Variants in WNT2B observed in about 807,000 individuals in gnomAD.
WNT2B encodes the protein Wnt family member 2B.
In WNT2B, 19 loss-of-function variants were observed where a neutral mutation model predicts 40.5. The ratio of observed to expected loss-of-function variants is 0.47; its 90% CI spans 0.33 to 0.69. The LOEUF (loss-of-function observed/expected upper bound fraction) is 0.69. Among genes scored for constraint, WNT2B ranks in the 30% least tolerant of loss-of-function variants. WNT2B has a pLI of 0.02. For missense variants in WNT2B, 467 were observed against 556.4 expected, an observed-to-expected ratio of 0.84 and a Z score of 1.62; for synonymous variants, 220 against 211.9, an observed-to-expected ratio of 1.04 and a Z score of -0.33.
chr1:112,509,935 T>A lies in WNT2B; in HGVS notation c.182+491T>A, dbSNP rs971293792. On this transcript the variant is annotated intron_variant, in intron 1 of 4. Coordinates refer to ENST00000369684, the MANE Select transcript of WNT2B (RefSeq NM_024494.3). The surrounding 1 kb of genome is among the most constrained non-coding windows in gnomAD (Gnocchi z 4.2). ...GCAGCACCCAGCCGAGGCTTAGAAA[T>A]GGAATCGAGGCAAAATTTACCCCAT... 4.6e-5 allele frequency among the ~76,000 whole-genome samples: 7 copies of A among 152,162 alleles called. No homozygotes were observed. Among genetic ancestry groups the A allele is most frequent in the African/African-American group, 1.2e-4 (5 of 41,434 alleles).
chr1:112,521,485 G>A lies in WNT2B; in HGVS notation c.*976G>A, dbSNP rs1280024430. 6.6e-6 allele frequency: 1 copy of A among 152,228 alleles called. No individual in the cohort carries two copies. The highest frequency in any genetic ancestry group is 1.5e-5 in the Non-Finnish European group (1 of 68,044). 9.4% of individuals were successfully genotyped at this position (152,228 alleles called of 1,614,324 possible). A position where few individuals can be genotyped will look rare whatever the true frequency, so the allele number is the denominator to read the frequency against. On this transcript the variant is annotated 3_prime_UTR_variant, in exon 5 of 5. Transcript: ENST00000369684. ...CCACATGAGGCATCAGTATATATTA[G>A]GCAGGTAGGGATCTCTGGCTTTGGT...
At chr1:112,482,180 A>G (rs896127655) in intron 1 of WNT2B, among the ~76,000 whole-genome samples, 3 of 151,386 alleles carry the variant, frequency 2.0e-5, no homozygotes, top group African/African-American at 4.9e-5. Context: ...GCTAATTTAA[A>G]CGGTGGTGCA....
chr1:112,519,872 C>CTTCTTTTTTTTTT (rs10634267), intron 4 of WNT2B, among the ~76,000 whole-genome samples: 6 of 115,634 alleles, frequency 5.2e-5, no homozygotes, highest in East Asian at 2.6e-4. Flanking sequence ...GCCCATGCTT[C>CTTCTTTTTTTTTT]TTTTTTTTTT....
chr1:112,491,953 G>T (rs1171499112), intron 1 of WNT2B, among the ~76,000 whole-genome samples: 2 of 152,050 alleles, frequency 1.3e-5, no homozygotes, highest in African/African-American at 4.8e-5. Flanking sequence ...GAAAATTTAG[G>T]ATATGAGTTT....
At chr1:112,508,809 G>C (rs566116700), upstream of WNT2B, 99 of 989,914 alleles carry the variant, frequency 1.0e-4, no homozygotes, top group Middle Eastern at 1.5e-3. This position sits in a 1 kb window ranked among gnomAD's most constrained non-coding sequence, Gnocchi z 4.2. Context: ...GGTGGCGCGC[G>C]GGAGCCCCGA....
chr1:112,514,856 G>GCC lies in WNT2B; in HGVS notation c.183-17_183-16dup, dbSNP rs1417174134. 1 of 1,613,270 alleles carries GCC rather than the reference G, an allele frequency of 6.2e-7. No individual in the cohort carries two copies. The highest frequency in any genetic ancestry group is 1.1e-5 in the South Asian group (1 of 91,070). On this transcript the variant is annotated splice_polypyrimidine_tract_variant and intron_variant, in intron 1 of 4. Transcript: ENST00000369684. ...AAAAGGTCTGGGATGTTCTGACAGGGCCATCTCTGCCTTGCAGGTACATTG... is the reference window on the plus strand; with the variant it reads ...AAAAGGTCTGGGATGTTCTGACAGGGCCCCATCTCTGCCTTGCAGGTACATTG...
At chr1:112,504,342 G>T (rs1236446870), upstream of WNT2B, among the ~76,000 whole-genome samples, 1 of 151,844 alleles carries the variant, frequency 6.6e-6, no homozygotes, top group African/African-American at 2.4e-5. Flanking sequence ...TAGTCCTCAG[G>T]GGAGCAGTTT....
intron 1 of WNT2B, among the ~76,000 whole-genome samples, chr1:112,487,660 T>C (rs1651457355): frequency 6.6e-6 from 1 of 152,022 alleles, no homozygotes; most frequent in South Asian, 2.1e-4. Context: ...GGGCTGGGTG[T>C]GGTAGCTCAC....
intron 1 of WNT2B, among the ~76,000 whole-genome samples, chr1:112,478,232 T>G (rs971720922): frequency 1.3e-5 from 2 of 151,156 alleles, no homozygotes; most frequent in African/African-American, 4.9e-5. Context: ...AGATGCTGTC[T>G]CAAAGAGAGA....
At chr1:112,472,329 A>T (rs1166594130) in intron 1 of WNT2B, among the ~76,000 whole-genome samples, 4 of 152,218 alleles carry the variant, frequency 2.6e-5, no homozygotes, top group Non-Finnish European at 5.9e-5. Flanking sequence ...GCTAATCAGC[A>T]AATGTATGAG....
At chr1:112,519,253 C>T (rs1652724832) in intron 4 of WNT2B, among the ~76,000 whole-genome samples, 1 of 152,084 alleles carries the variant, frequency 6.6e-6, no homozygotes, top group Non-Finnish European at 1.5e-5. Context: ...ACCTGTGTTC[C>T]ACTATATGAA....
chr1:112,475,578 T>A (rs188621242), intron 1 of WNT2B, among the ~76,000 whole-genome samples: 29 of 152,090 alleles, frequency 1.9e-4, no homozygotes, highest in African/African-American at 7.0e-4. Flanking sequence ...GAAATGGAAA[T>A]ATACTGTAGT....
rs1215547139 is a variant in WNT2B at position 112,529,089 on chromosome 1, G to A, written c.*8580G>A. On this transcript the variant is annotated 3_prime_UTR_variant, in exon 5 of 5. Transcript: ENST00000369684. ...ATAAGGGCAATCTTATTCTTCCAAA[G>A]CAGTTCCCTGGTGCCACTTTCAGAA... 6.6e-6 allele frequency: 1 copy of A among 152,146 alleles called. No individual in the cohort carries two copies. The highest frequency in any genetic ancestry group is 1.5e-5 in the Non-Finnish European group (1 of 68,040). 9.4% of individuals were successfully genotyped at this position (152,146 alleles called of 1,614,324 possible).
chr1:112,512,977 T>C (rs1652406460), intron 1 of WNT2B, among the ~76,000 whole-genome samples: 1 of 152,206 alleles, frequency 6.6e-6, no homozygotes, highest in Non-Finnish European at 1.5e-5. Flanking sequence ...AAAGGACCTA[T>C]GTGGGCTGCA....
Position 112,495,419 on chromosome 1 carries a change from TACAAAAAAA to T in WNT2B, c.-94-19444_-94-19436del, listed in dbSNP as rs370790650. Among the ~76,000 whole-genome samples, 32 of 151,008 alleles carry T rather than the reference TACAAAAAAA, an allele frequency of 2.1e-4. No individual in the cohort carries two copies. The East Asian group carries it at 5.8e-3, about 28-fold the overall frequency. ...GTGAAACCCCCGTCTCTACTAAAAA[TACAAAAAAA>T]ACAAAAAAAAATTAGCTGGGCATGG... On this transcript the variant is annotated intron_variant, in intron 1 of 4. Coordinates refer to the WNT2B transcript ENST00000256640.
Sources: gnomAD v4.1 joint callset for allele counts (sites outside exome capture counted in the v4.1 genomes callset) on GRCh38, gnomAD v4.1.1 for gene constraint, Gnocchi (gnomAD v3.1) non-coding constraint, MANE v1.5 for transcripts, NCBI Gene and HGNC (gene_info 2026-07-23, HGNC 2026-07-21) for gene names.